Variants in LRRTM4 observed in about 807,000 individuals in gnomAD.
The protein encoded by LRRTM4 is leucine rich repeat transmembrane neuronal 4, also known as leucine-rich repeat transmembrane neuronal protein 4.
A neutral mutation model predicts 47.6 loss-of-function variants in LRRTM4; 25 were observed. The ratio of observed to expected loss-of-function variants is 0.53; its 90% CI spans 0.38 to 0.73. The LOEUF (loss-of-function observed/expected upper bound fraction) is 0.73. Ranked by LOEUF, LRRTM4 falls within the 30% of genes least tolerant of loss-of-function variation. The pLI is 0.00. For missense variants in LRRTM4, 638 were observed against 713.4 expected (o/e 0.89, Z 1.20); for synonymous variants, 311 against 269.5 (o/e 1.15, Z -1.51).
At chr2:76,767,519 C>G (rs920333659) in intron 3 of LRRTM4, among the ~76,000 whole-genome samples, 4 of 152,134 alleles carry the variant, frequency 2.6e-5, no homozygotes, top group Non-Finnish European at 5.9e-5. Context: ...TGCTCAAATA[C>G]TATCTCGTGT....
At chr2:76,910,210 A>G (rs1023356373) in intron 3 of LRRTM4, among the ~76,000 whole-genome samples, 5 of 152,134 alleles carry the variant, frequency 3.3e-5, no homozygotes, top group Non-Finnish European at 7.3e-5. Flanking sequence ...CATGGATGAA[A>G]TTGGAAATCA....
At chr2:77,070,238 A>T (rs72807209) in intron 3 of LRRTM4, among the ~76,000 whole-genome samples, 16,811 of 141,672 alleles carry the variant, frequency 0.12, 1,153 homozygotes, top group East Asian at 0.17. Context: ...TCATTTTTTT[A>T]AAAAATAAAA....
rs139878910 is a variant in LRRTM4, at chr2:77,159,264, A to T, written c.1551+359054T>A. Among the ~76,000 whole-genome samples the T allele has an allele frequency of 2.4e-3, 363 of 152,292 alleles. 4 individuals carry two copies. The highest frequency in any genetic ancestry group is 8.3e-3 in the African/African-American group (346 of 41,564). ...ACTAATAGCCACCTGTTGACCAGAA[A>T]TCTTACTGAGATAAACAGTCAGTTG... is the stretch of plus-strand genomic sequence containing the variant. On this transcript the variant is annotated intron_variant, in intron 3 of 3. Coordinates refer to ENST00000409884, the MANE Select transcript of LRRTM4 (RefSeq NM_001134745.3).
chr2:76,802,683 G>T (rs535717031), intron 3 of LRRTM4, among the ~76,000 whole-genome samples: 1 of 152,152 alleles, frequency 6.6e-6, no homozygotes, highest in African/African-American at 2.4e-5. Context: ...AAAGCTGGAG[G>T]TATCATACTA....
intron 3 of LRRTM4, among the ~76,000 whole-genome samples, chr2:76,806,310 G>T (rs1046727157): frequency 6.6e-6 from 1 of 152,074 alleles, no homozygotes; most frequent in Admixed American, 6.6e-5. Flanking sequence ...CGGCCCGTGC[G>T]GTGGCTCACA....
At chr2:77,081,243 C>G (rs937695128) in intron 3 of LRRTM4, among the ~76,000 whole-genome samples, 4 of 118,462 alleles carry the variant, frequency 3.4e-5, no homozygotes, top group African/African-American at 1.5e-4. Context: ...AAATACCTGA[C>G]AGCAACACAC....
intron 3 of LRRTM4, among the ~76,000 whole-genome samples, chr2:77,014,174 AAG>A: frequency 6.6e-6 from 1 of 152,246 alleles, no homozygotes; most frequent in East Asian, 1.9e-4. Context: ...AGGGCGGATC[AAG>A]AGGAGTATAC....
At chr2:76,978,803 C>T (rs1419262179) in intron 3 of LRRTM4, among the ~76,000 whole-genome samples, 5 of 151,978 alleles carry the variant, frequency 3.3e-5, no homozygotes, top group Admixed American at 1.3e-4. Context: ...ATGTTGCCAC[C>T]TACAGATTGA....
chr2:77,031,561 G>A (rs1255630331), intron 3 of LRRTM4, among the ~76,000 whole-genome samples: 1 of 152,044 alleles, frequency 6.6e-6, no homozygotes. Context: ...CTCGGGGAGT[G>A]AGATATATTA....
intron 3 of LRRTM4, among the ~76,000 whole-genome samples, chr2:77,042,681 A>T (rs997545407): frequency 1.3e-5 from 2 of 151,712 alleles, no homozygotes; most frequent in Non-Finnish European, 2.9e-5. Context: ...TGATAAGTAA[A>T]TTATGTGAAT....
At position 77,053,347 on chromosome 2, in the gene LRRTM4, G is replaced by T. The variant is rs537004851; in HGVS notation, c.1552-304431C>A. Among the ~76,000 whole-genome samples the T allele has an allele frequency of 5.3e-5, 8 of 152,076 alleles. No individual in the cohort carries two copies. The South Asian group carries it at 1.7e-3, about 32-fold the overall frequency. Reference sequence around the variant, plus strand: ...AATAAGACAACAATGCAGGATGATGGATAGGAAAAAAAGTGGAGGAATTAA... The same window carrying T: ...AATAAGACAACAATGCAGGATGATGTATAGGAAAAAAAGTGGAGGAATTAA... On this transcript the variant is annotated intron_variant, in intron 3 of 3. Transcript: ENST00000409884.
At chr2:77,054,883 AATCT>A (rs1260892852) in intron 3 of LRRTM4, among the ~76,000 whole-genome samples, 7 of 152,338 alleles carry the variant, frequency 4.6e-5, no homozygotes, top group African/African-American at 1.7e-4. Context: ...ATTTTTGACC[AATCT>A]ATCATTTCAA....
intron 3 of LRRTM4, among the ~76,000 whole-genome samples, chr2:77,451,786 G>A (rs1676264739): frequency 6.6e-6 from 1 of 152,142 alleles, no homozygotes; most frequent in Non-Finnish European, 1.5e-5. Context: ...CAAAAGGTGA[G>A]AAGGAGGAGG....
At position 76,874,634 on chromosome 2, in the gene LRRTM4, T is replaced by A. The variant is rs531989847; in HGVS notation, c.1552-125718A>T. Among the ~76,000 whole-genome samples the A allele has an allele frequency of 2.0e-5, 3 of 152,002 alleles. No homozygotes were observed. The East Asian group carries it at 5.8e-4, about 29-fold the overall frequency. ...AAGTTTTTTTTTTAGGCATTGATCA[T>A]TGATGTTATTTCTAATGTTTTGCTA... is the stretch of plus-strand genomic sequence containing the variant. On this transcript the variant is annotated intron_variant, in intron 3 of 3. Coordinates refer to ENST00000409884, the MANE Select transcript of LRRTM4 (RefSeq NM_001134745.3).
chr2:76,910,827 CTTGA>C (rs1292519899), intron 3 of LRRTM4, among the ~76,000 whole-genome samples: 3 of 152,112 alleles, frequency 2.0e-5, no homozygotes, highest in Non-Finnish European at 4.4e-5. Context: ...TGGAATATAT[CTTGA>C]TTATGTCATT....
At chr2:76,924,068 C>A (rs759422163) in intron 3 of LRRTM4, among the ~76,000 whole-genome samples, 1 of 152,076 alleles carries the variant, frequency 6.6e-6, no homozygotes, top group Non-Finnish European at 1.5e-5. Context: ...CTTAAATATA[C>A]TGGCTCCTTA....
chr2:76,809,394 G>A (rs1670660548), intron 3 of LRRTM4, among the ~76,000 whole-genome samples: 1 of 152,058 alleles, frequency 6.6e-6, no homozygotes, highest in Non-Finnish European at 1.5e-5. Context: ...AGTTATGTCA[G>A]CTCCTTCTTT....
At chr2:77,515,802 A>G (rs1679186831) in intron 3 of LRRTM4, among the ~76,000 whole-genome samples, 1 of 151,860 alleles carries the variant, frequency 6.6e-6, no homozygotes, top group East Asian at 1.9e-4. Context: ...GTCCAAAGGA[A>G]TATTTCTCAA....
At chr2:76,795,121 C>T (rs1675203818) in intron 3 of LRRTM4, among the ~76,000 whole-genome samples, 1 of 151,792 alleles carries the variant, frequency 6.6e-6, no homozygotes. Context: ...GAGAGATTTA[C>T]TAACAATAAT....
Sources: gnomAD v4.1 joint callset for allele counts (sites outside exome capture counted in the v4.1 genomes callset) on GRCh38, gnomAD v4.1.1 for gene constraint, MANE v1.5 for transcripts, NCBI Gene and HGNC (gene_info 2026-07-23, HGNC 2026-07-21) for gene names.